Variants in PTPRG observed in about 807,000 individuals in gnomAD.
PTPRG encodes the protein protein tyrosine phosphatase receptor type G.
Under a neutral mutation model 165.3 loss-of-function variants are expected in PTPRG, and 102 were observed. The observed-to-expected ratio is 0.62, with a 90% CI of 0.53 to 0.73. The LOEUF (loss-of-function observed/expected upper bound fraction) is 0.73. PTPRG is among the 30% of genes least tolerant of loss of function. PTPRG has a pLI of 0.00. For missense variants in PTPRG, 1,866 were observed against 1,861.4 expected (o/e 1.00, Z -0.05); for synonymous variants, 675 against 669.5 (o/e 1.01, Z -0.13).
At chr3:62,038,578 G>A (rs1258546412) in intron 4 of PTPRG, among the ~76,000 whole-genome samples, 1 of 152,030 alleles carries the variant, frequency 6.6e-6, no homozygotes, top group Admixed American at 6.6e-5. Flanking sequence ...TTATATTTTT[G>A]TAGAGAGAGG....
intron 2 of PTPRG, among the ~76,000 whole-genome samples, chr3:61,774,970 T>C (rs190628174): frequency 3.9e-5 from 6 of 152,336 alleles, no homozygotes; most frequent in Non-Finnish European, 7.3e-5. Flanking sequence ...TCTCTGTGCC[T>C]TCCATACTTC....
intron 1 of PTPRG, among the ~76,000 whole-genome samples, chr3:61,677,808 T>C (rs1175748847): frequency 6.6e-6 from 1 of 152,164 alleles, no homozygotes; most frequent in Non-Finnish European, 1.5e-5. Context: ...GCAGCCCCTC[T>C]TGATGTGGCA....
At chr3:61,719,679 TAATC>T (rs1038840843) in intron 1 of PTPRG, among the ~76,000 whole-genome samples, 7 of 152,200 alleles carry the variant, frequency 4.6e-5, no homozygotes, top group African/African-American at 1.7e-4. Context: ...GAAGTTATGT[TAATC>T]AATTCTGAAG....
intron 2 of PTPRG, among the ~76,000 whole-genome samples, chr3:61,987,316 T>A (rs969649329): frequency 1.3e-5 from 2 of 152,244 alleles, no homozygotes; most frequent in Non-Finnish European, 2.9e-5. Flanking sequence ...AAGCTTCAGA[T>A]TGTTACCAGT....
At chr3:61,898,436 C>T (rs1485432257) in intron 2 of PTPRG, among the ~76,000 whole-genome samples, 1 of 152,176 alleles carries the variant, frequency 6.6e-6, no homozygotes, top group Non-Finnish European at 1.5e-5. Context: ...CTGTCTTCCT[C>T]TTCTTCTGAC....
At chr3:61,900,710 A>G (rs2038476360) in intron 2 of PTPRG, among the ~76,000 whole-genome samples, 1 of 152,182 alleles carries the variant, frequency 6.6e-6, no homozygotes, top group Admixed American at 6.5e-5. Flanking sequence ...GGTGGTAACA[A>G]ATATCAGACA....
At chr3:62,167,781 A>G (rs1447306530) in intron 7 of PTPRG, among the ~76,000 whole-genome samples, 190 bp from the exon 8 acceptor site, 2 of 152,142 alleles carry the variant, frequency 1.3e-5, no homozygotes, top group Non-Finnish European at 2.9e-5. Context: ...CAGCCAGATG[A>G]GCCTGTTGGC....
chr3:61,607,471 C>CCG (rs1553640353), intron 1 of PTPRG, among the ~76,000 whole-genome samples: 25 of 149,322 alleles, frequency 1.7e-4, no homozygotes, highest in Non-Finnish European at 3.1e-4. Flanking sequence ...CAGTCTGAGA[C>CCG]TGCTCAGCCA....
chr3:62,173,749 G>T, intron 8 of PTPRG, among the ~76,000 whole-genome samples: 1 of 149,788 alleles, frequency 6.7e-6, no homozygotes, highest in East Asian at 2.3e-4. Context: ...CGCCTCCTCT[G>T]TTCCCTGGTT....
chr3:61,756,913 A>G (rs608715), intron 2 of PTPRG, among the ~76,000 whole-genome samples: 128,812 of 152,116 alleles, frequency 0.85, 54,988 homozygotes, highest in African/African-American at 0.96. Flanking sequence ...TTTGGAGGAG[A>G]GCTTTTTGGC....
intron 5 of PTPRG, among the ~76,000 whole-genome samples, chr3:62,129,151 C>T (rs1049851419): frequency 1.3e-5 from 2 of 152,120 alleles, no homozygotes; most frequent in Non-Finnish European, 2.9e-5. Context: ...AATCTGGGGT[C>T]ACGTTCCTGA....
intron 1 of PTPRG, among the ~76,000 whole-genome samples, chr3:61,602,912 C>G (rs1700908181): frequency 1.3e-5 from 2 of 152,188 alleles, no homozygotes; most frequent in Admixed American, 1.3e-4. Flanking sequence ...ATATCTCAAG[C>G]TCAACACTTC....
chr3:61,960,974 C>A (rs2040140560), intron 2 of PTPRG, among the ~76,000 whole-genome samples: 1 of 152,086 alleles, frequency 6.6e-6, no homozygotes, highest in Admixed American at 6.6e-5. Context: ...AGCCTGCATT[C>A]TTCATTTGTA....
rs762203115 is a variant in PTPRG at position 62,219,006 on chromosome 3, C to T, written c.2288+23C>T. The T allele has an allele frequency of 2.9e-5, 47 of 1,611,360 alleles. No individual in the cohort carries two copies. Among genetic ancestry groups the T allele is most frequent in the Non-Finnish European group, 3.8e-5 (45 of 1,178,894 alleles). ...GAGGTAAGCCAGGCAGCACCTACAG[C>T]GTAGATTTGGGGGCCAGATGCTGGC... is the stretch of plus-strand genomic sequence containing the variant. On this transcript the variant is annotated intron_variant, in intron 13 of 29. Transcript: ENST00000474889. This position sits in a 1 kb window ranked among gnomAD's most constrained non-coding sequence, Gnocchi z 4.5.
chr3:62,031,489 T>C (rs2107783072), intron 4 of PTPRG, among the ~76,000 whole-genome samples: 1 of 152,170 alleles, frequency 6.6e-6, no homozygotes, highest in African/African-American at 2.4e-5. Context: ...AGACAGGGGA[T>C]ATGACAGTAA....
intron 2 of PTPRG, among the ~76,000 whole-genome samples, chr3:61,941,199 A>T (rs2039618473): frequency 6.6e-6 from 1 of 152,258 alleles, no homozygotes; most frequent in Non-Finnish European, 1.5e-5. Flanking sequence ...TAATCCAGCA[A>T]CCATTGTCCT....
intron 2 of PTPRG, among the ~76,000 whole-genome samples, chr3:61,902,100 C>T (rs538967703): frequency 2.0e-5 from 3 of 152,274 alleles, no homozygotes; most frequent in African/African-American, 7.2e-5. Context: ...TTGGTTATCA[C>T]CCAGTATGAA....
At chr3:61,624,674 C>A (rs939828280) in intron 1 of PTPRG, among the ~76,000 whole-genome samples, 1 of 152,154 alleles carries the variant, frequency 6.6e-6, no homozygotes, top group Non-Finnish European at 1.5e-5. Flanking sequence ...GATACTTAAC[C>A]TCAGGTTCTG....
chr3:61,989,933 T>G (rs2040845704), intron 3 of PTPRG, 129 bp downstream of exon 3: 1 of 954,616 alleles, frequency 1.0e-6, no homozygotes, highest in African/African-American at 1.7e-5. Context: ...AATCAGTCCT[T>G]AGTTTCAGAA....
Sources: allele counts gnomAD v4.1 joint callset (sites outside exome capture counted in the v4.1 genomes callset), GRCh38; gene constraint gnomAD v4.1.1; non-coding constraint Gnocchi (gnomAD v3.1); transcripts MANE v1.5; gene names NCBI Gene and HGNC (gene_info 2026-07-23, HGNC 2026-07-21).